Variants in PCSK2 observed in about 807,000 individuals in gnomAD.
PCSK2 encodes proprotein convertase subtilisin/kexin type 2, also known as neuroendocrine convertase 2.
Under a neutral mutation model 69.7 loss-of-function variants are expected in PCSK2, and 14 were observed. The observed-to-expected ratio is 0.20, with a 90% CI of 0.13 to 0.31. PCSK2 has a LOEUF of 0.31. Among genes scored for constraint, PCSK2 ranks in the 10% least tolerant of loss-of-function variants. The pLI is 1.00. For missense variants in PCSK2, 544 were observed against 842.5 expected (o/e 0.65, Z 4.39); for synonymous variants, 307 against 320.7 (o/e 0.96, Z 0.46).
At chr20:17,291,896 A>G (rs578191745) in intron 2 of PCSK2, among the ~76,000 whole-genome samples, 2 of 152,320 alleles carry the variant, frequency 1.3e-5, no homozygotes, top group East Asian at 1.9e-4. Context: ...CGAGATCACA[A>G]AATGACTGCT....
At chr20:17,374,819 A>G (rs560589122) in intron 5 of PCSK2, among the ~76,000 whole-genome samples, 1 of 152,292 alleles carries the variant, frequency 6.6e-6, no homozygotes, top group South Asian at 2.1e-4. Context: ...GTGGGGAGAT[A>G]GAAGGATTCA....
At chr20:17,332,981 A>T (rs191334168) in intron 2 of PCSK2, among the ~76,000 whole-genome samples, 300 of 152,258 alleles carry the variant, frequency 2.0e-3, no homozygotes, top group African/African-American at 6.9e-3. Flanking sequence ...TTGTTTTTTG[A>T]TGGGGGCATA....
At chr20:17,404,645 C>A (rs1199367930) in intron 5 of PCSK2, among the ~76,000 whole-genome samples, 1 of 152,212 alleles carries the variant, frequency 6.6e-6, no homozygotes, top group Non-Finnish European at 1.5e-5. Context: ...ATACCAGATT[C>A]AGTGGCTGTA....
At chr20:17,462,372 T>C (rs1301528822) in intron 10 of PCSK2, among the ~76,000 whole-genome samples, 1 of 152,184 alleles carries the variant, frequency 6.6e-6, no homozygotes, top group Non-Finnish European at 1.5e-5. Context: ...TACAGAAGAA[T>C]CATTTGGATT....
chr20:17,309,101 A>G (rs1473085000), intron 2 of PCSK2, among the ~76,000 whole-genome samples: 1 of 152,170 alleles, frequency 6.6e-6, no homozygotes, highest in Non-Finnish European at 1.5e-5. Flanking sequence ...CGCACAGTCC[A>G]CCATAAAATT....
rs144990429 is a variant in PCSK2, at chr20:17,456,276, C to T, written c.1102-72C>T. The T allele has an allele frequency of 1.0e-4, 78 of 781,928 alleles. No homozygotes were observed. In the East Asian group the frequency reaches 1.9e-3, roughly 19 times the overall value. The allele number at this position is 781,928 out of a possible 1,614,324, so 48.4% of individuals were successfully genotyped here. A position where few individuals can be genotyped will look rare whatever the true frequency, so the allele number is the denominator to read the frequency against. The stretch of plus-strand genomic sequence containing the variant: ...AATAAATAAAAGGAGTAGATAATCC[C>T]CTGCTCCACATTGTGCGGGGGTTCA... On this transcript the variant is annotated intron_variant, in intron 9 of 11. Transcript: ENST00000262545.
intron 5 of PCSK2, among the ~76,000 whole-genome samples, chr20:17,408,790 A>G (rs1600556196): frequency 6.6e-6 from 1 of 152,178 alleles, no homozygotes; most frequent in Admixed American, 6.5e-5. Context: ...GGGAAAGGAA[A>G]CCAGCCTATG....
intron 2 of PCSK2, among the ~76,000 whole-genome samples, chr20:17,302,943 G>A (rs1255343509): frequency 1.3e-5 from 2 of 151,942 alleles, no homozygotes; most frequent in East Asian, 3.9e-4. Flanking sequence ...TTTGATCTAT[G>A]TTTGGAATGA....
intron 2 of PCSK2, among the ~76,000 whole-genome samples, chr20:17,269,080 ATTAAGAG>A (rs1375759964): frequency 6.6e-6 from 1 of 152,172 alleles, no homozygotes. Context: ...TGGTTAGGGA[ATTAAGAG>A]TTTAGTTTTA....
chr20:17,371,516 T>G (rs1355108291), intron 5 of PCSK2, among the ~76,000 whole-genome samples: 1 of 152,230 alleles, frequency 6.6e-6, no homozygotes, highest in Non-Finnish European at 1.5e-5. Flanking sequence ...TTTCTTCTTT[T>G]CTTTCTTAAG....
At chr20:17,301,670 C>T (rs1266236827) in intron 2 of PCSK2, among the ~76,000 whole-genome samples, 7 of 152,122 alleles carry the variant, frequency 4.6e-5, no homozygotes, top group East Asian at 3.8e-4. Context: ...CGGTGGCTCA[C>T]GCCTGTAATC....
intron 2 of PCSK2, among the ~76,000 whole-genome samples, chr20:17,274,646 T>C (rs866011437): frequency 1.3e-5 from 2 of 152,240 alleles, no homozygotes; most frequent in Non-Finnish European, 2.9e-5. Context: ...AGAAGCCATC[T>C]CAGAAGTGGA....
chr20:17,296,262 G>A (rs991328163), intron 2 of PCSK2, among the ~76,000 whole-genome samples: 8 of 152,176 alleles, frequency 5.3e-5, no homozygotes, highest in Non-Finnish European at 7.3e-5. Context: ...ACAGCTCAGC[G>A]TCTCAAAAAC....
intron 4 of PCSK2, 117 bp downstream of exon 4, chr20:17,360,757 C>T (rs1352727886): frequency 9.0e-6 from 6 of 664,592 alleles, no homozygotes; most frequent in African/African-American, 1.8e-5. Flanking sequence ...AGATACTGGG[C>T]ATGATGGCCA....
intron 11 of PCSK2, 77 bp from the exon 12 acceptor site, chr20:17,481,507 C>A: frequency 7.0e-7 from 1 of 1,430,444 alleles, no homozygotes; most frequent in Non-Finnish European, 9.6e-7. Context: ...CTTTCCGCCA[C>A]CTGAAGCTGC....
At chr20:17,419,859 C>T (rs148467716) in intron 6 of PCSK2, among the ~76,000 whole-genome samples, 1 of 152,192 alleles carries the variant, frequency 6.6e-6, no homozygotes, top group Non-Finnish European at 1.5e-5. Context: ...GTCATCCCTG[C>T]CATTGACGAT....
At chr20:17,342,791 C>T (rs559558232) in intron 2 of PCSK2, among the ~76,000 whole-genome samples, 9 of 152,198 alleles carry the variant, frequency 5.9e-5, no homozygotes, top group African/African-American at 1.9e-4. Context: ...ACCACCACAC[C>T]TGGCTAATTG....
chr20:17,324,481 A>G (rs923902327), intron 2 of PCSK2, among the ~76,000 whole-genome samples: 1 of 152,196 alleles, frequency 6.6e-6, no homozygotes, highest in Non-Finnish European at 1.5e-5. Context: ...GGCATCTCTC[A>G]CAGAATCAGA....
At chr20:17,251,862 G>A (rs1279869152) in intron 1 of PCSK2, among the ~76,000 whole-genome samples, 1 of 152,192 alleles carries the variant, frequency 6.6e-6, no homozygotes, top group Non-Finnish European at 1.5e-5. Flanking sequence ...TGGTATGGCT[G>A]GAGTTGGAAT....
Sources: gnomAD v4.1 joint callset for allele counts (sites outside exome capture counted in the v4.1 genomes callset) on GRCh38, gnomAD v4.1.1 for gene constraint, MANE v1.5 for transcripts, NCBI Gene and HGNC (gene_info 2026-07-23, HGNC 2026-07-21) for gene names.